Variants in PDCD7 observed in about 807,000 individuals in gnomAD.
The protein encoded by PDCD7 is programmed cell death 7.
PDCD7 carries 40 observed loss-of-function variants against 42.1 expected under a neutral mutation model. The ratio of observed to expected loss-of-function variants is 0.95; its 90% CI spans 0.74 to 1.24. The LOEUF is 1.24. Ranked by LOEUF, PDCD7 falls within the 50% of genes most tolerant of loss-of-function variation. The pLI is 0.00. For missense variants in PDCD7, 644 were observed against 662.8 expected, an observed-to-expected ratio of 0.97 and a Z score of 0.31; for synonymous variants, 299 against 303.3, an observed-to-expected ratio of 0.99 and a Z score of 0.15.
At chr15:65,119,520 T>C (rs2087434986) in intron 3 of PDCD7, 57 bp from the exon 4 acceptor site, 2 of 1,369,034 alleles carry the variant, frequency 1.5e-6, no homozygotes, top group South Asian at 1.2e-5. Context: ...AGTGTATTTC[T>C]CAAGGCAAGG....
intron 2 of PDCD7, among the ~76,000 whole-genome samples, chr15:65,122,730 G>A (rs1047540553): frequency 7.2e-5 from 11 of 152,148 alleles, no homozygotes; most frequent in Middle Eastern, 6.8e-3. Context: ...ATTCTTGGCC[G>A]GGCAGGGTGG....
chr15:65,123,369 G>A (rs1468196753), intron 2 of PDCD7, among the ~76,000 whole-genome samples: 1 of 152,098 alleles, frequency 6.6e-6, no homozygotes, highest in African/African-American at 2.4e-5. Flanking sequence ...TGTATTTTTA[G>A]TAGAGACAGT....
intron 2 of PDCD7, among the ~76,000 whole-genome samples, chr15:65,126,292 T>C (rs1355894920): frequency 6.6e-6 from 1 of 152,234 alleles, no homozygotes; most frequent in African/African-American, 2.4e-5. Context: ...TTTTGTCTTT[T>C]TGGCCCTCAT....
intron 1 of PDCD7, 101 bp downstream of exon 1, chr15:65,132,811 A>G (rs1424079857): frequency 1.3e-6 from 2 of 1,525,794 alleles, no homozygotes; most frequent in African/African-American, 2.8e-5. Context: ...TTTGCGCGTA[A>G]AACAGAGGCT....
rs1461716705 is a variant in PDCD7, at chr15:65,117,484, T to C, written c.*1233A>G. The C allele has an allele frequency of 6.6e-6, 1 of 152,014 alleles. No individual in the cohort carries two copies. Among genetic ancestry groups the C allele is most frequent in the East Asian group, 1.9e-4 (1 of 5,196 alleles). 9.4% of individuals were successfully genotyped at this position (152,014 alleles called of 1,614,324 possible). A position where few individuals can be genotyped will look rare whatever the true frequency, so the allele number is the denominator to read the frequency against. ...AAAAAATGACATGTTATATGAGTGATCATCTCCAAGCACAACAGCATTTAT... is the reference window on the plus strand; with the variant it reads ...AAAAAATGACATGTTATATGAGTGACCATCTCCAAGCACAACAGCATTTAT... On this transcript the variant is annotated 3_prime_UTR_variant, in exon 5 of 5. Coordinates refer to ENST00000204549, the MANE Select transcript of PDCD7 (RefSeq NM_005707.2).
chr15:65,126,941 G>A (rs912696187), intron 2 of PDCD7, among the ~76,000 whole-genome samples: 1 of 151,786 alleles, frequency 6.6e-6, no homozygotes, highest in Non-Finnish European at 1.5e-5. Flanking sequence ...TCTTTGACTT[G>A]AGAATTATTC....
chr15:65,133,408 G>C lies in PDCD7; in HGVS notation c.374C>G (p.Ala125Gly). 1 of 1,183,866 alleles carries C rather than the reference G, an allele frequency of 8.4e-7. No homozygotes were observed. The highest frequency in any genetic ancestry group is 4.6e-5 in the Admixed American group (1 of 21,868). 73.3% of individuals were successfully genotyped at this position (1,183,866 alleles called of 1,614,324 possible). A position where few individuals can be genotyped will look rare whatever the true frequency, so the allele number is the denominator to read the frequency against. ...GPPWSPRWPE[A>G]PPPPADVLGD... is the part of the protein sequence containing the mutation. ...GAGCACGTCGGCCGGCGGCGGCGGCGCCTCAGGCCACCGCGGGCTCCAGGG... is the reference window on the plus strand; with the variant it reads ...GAGCACGTCGGCCGGCGGCGGCGGCCCCTCAGGCCACCGCGGGCTCCAGGG... Residue 125 changes from alanine to glycine, a missense_variant, in exon 1 of 5, where the codon GCG becomes GGG. Transcript: ENST00000204549.
intron 1 of PDCD7, among the ~76,000 whole-genome samples, chr15:65,132,496 C>A (rs1426519889): frequency 6.6e-6 from 1 of 151,970 alleles, no homozygotes; most frequent in African/African-American, 2.4e-5. Flanking sequence ...GTGATCCACC[C>A]GCCTCCGCCT....
intron 2 of PDCD7, among the ~76,000 whole-genome samples, chr15:65,125,557 G>A (rs930669494): frequency 1.3e-5 from 2 of 152,110 alleles, no homozygotes; most frequent in Non-Finnish European, 1.5e-5. Context: ...ACTAATGACC[G>A]GTTGGATACT....
In PDCD7 at chr15:65,133,054, C is replaced by A. The variant is rs767947937; in HGVS notation, c.728G>T (p.Arg243Leu). The A allele has an allele frequency of 6.3e-7, 1 of 1,588,302 alleles. No homozygotes were observed. The highest frequency in any genetic ancestry group is 1.7e-5 in the Admixed American group (1 of 58,354). ...CTCGCGAAGCCGCAGCCGGCGGCGC[C>A]GGACCCTCTCCAGCCTCCTCCGCGC... ...GEARRRLERV[R>L]RRRLRLRERA... The change falls in exon 1 of 5, where the codon CGG becomes CTG. Residue 243 changes from arginine to leucine, a missense_variant. Transcript: ENST00000204549.
intron 1 of PDCD7, among the ~76,000 whole-genome samples, chr15:65,130,921 C>T (rs2140586818): frequency 1.3e-5 from 2 of 152,198 alleles, no homozygotes; most frequent in South Asian, 4.1e-4. Flanking sequence ...GATGTTCCTT[C>T]TTTGGGCTTT....
Position 65,117,956 on chromosome 15 carries a change from T to G in PDCD7, c.*761A>C, listed in dbSNP as rs1022001882. On this transcript the variant is annotated 3_prime_UTR_variant, in exon 5 of 5. Coordinates refer to ENST00000204549, the MANE Select transcript of PDCD7 (RefSeq NM_005707.2). ...CTCCTACAATGTGACTGAGTGAGGT[T>G]AGGGAAATATCCTTGGGGATTCTGA... 2 of 152,256 alleles carry G rather than the reference T, an allele frequency of 1.3e-5. No homozygotes were observed. Among genetic ancestry groups the G allele is most frequent in the Non-Finnish European group, 2.9e-5 (2 of 68,056 alleles). 9.4% of individuals were successfully genotyped at this position (152,256 alleles called of 1,614,324 possible).
At chr15:65,123,967 C>T (rs1358618719) in intron 2 of PDCD7, among the ~76,000 whole-genome samples, 1 of 152,166 alleles carries the variant, frequency 6.6e-6, no homozygotes, top group Non-Finnish European at 1.5e-5. Flanking sequence ...GTTGCAACTA[C>T]TAAAATCTGT....
At chr15:65,120,003 C>T (rs1204665210) in intron 2 of PDCD7, 49 bp from the exon 3 acceptor site, 10 of 1,560,312 alleles carry the variant, frequency 6.4e-6, no homozygotes, top group Middle Eastern at 4.1e-4. Context: ...TTTTTTGAGA[C>T]AAGGCCTCGC....
intron 1 of PDCD7, among the ~76,000 whole-genome samples, chr15:65,132,577 G>A (rs570452443): frequency 3.9e-5 from 6 of 152,224 alleles, no homozygotes; most frequent in Admixed American, 3.9e-4. Context: ...AAACCACCTA[G>A]GGCAGTACAA....
Position 65,118,815 on chromosome 15 carries a change from G to C in PDCD7, c.1360C>G (p.Pro454Ala). The change falls in exon 5 of 5, where the codon CCA becomes GCA. Residue 454 changes from proline (P) to alanine (A), a missense_variant. By Grantham distance (27) the Pro-to-Ala change is conservative (BLOSUM62 -1). Coordinates refer to ENST00000204549, the MANE Select transcript of PDCD7 (RefSeq NM_005707.2). ...AAGTTGCCTTTGGGATGATCGGATGGCACCAGGTACTGATCCCAATCATGC... is the reference window on the plus strand; with the variant it reads ...AAGTTGCCTTTGGGATGATCGGATGCCACCAGGTACTGATCCCAATCATGC... ...IRHDWDQYLV[P>A]SDHPKGNFVP... 1.2e-6 allele frequency: 2 copies of C among 1,609,502 alleles called. No homozygotes were observed. Among genetic ancestry groups the C allele is most frequent in the Non-Finnish European group, 1.7e-6 (2 of 1,177,948 alleles).
Position 65,129,012 on chromosome 15 carries a change from A to T in PDCD7, c.1009+20T>A, listed in dbSNP as rs1566972853. ...AAGAAGGGGAAGGGAACAAGGAAAG[A>T]AATGCAAAGCCACAGTTACCTTTCC... On this transcript the variant is annotated intron_variant, in intron 2 of 4. Transcript: ENST00000204549. The T allele has an allele frequency of 6.2e-7, 1 of 1,613,682 alleles. No homozygotes were observed. Among genetic ancestry groups the T allele is most frequent in the Admixed American group, 1.7e-5 (1 of 59,958 alleles).
intron 2 of PDCD7, among the ~76,000 whole-genome samples, chr15:65,120,393 C>A (rs1482152295): frequency 6.6e-6 from 1 of 152,084 alleles, no homozygotes; most frequent in East Asian, 1.9e-4. Flanking sequence ...GTCAAGCAAT[C>A]CCCCTGCCTT....
chr15:65,131,642 G>A (rs927301185), intron 1 of PDCD7, among the ~76,000 whole-genome samples: 3 of 151,934 alleles, frequency 2.0e-5, no homozygotes, highest in South Asian at 2.1e-4. Context: ...CCTGCTACTC[G>A]GGAGGCTGAG....
Sources: allele counts gnomAD v4.1 joint callset (sites outside exome capture counted in the v4.1 genomes callset), GRCh38; gene constraint gnomAD v4.1.1; transcripts MANE v1.5; gene names NCBI Gene and HGNC (gene_info 2026-07-23, HGNC 2026-07-21).